The following HDAC9 variants were observed in gnomAD, a reference collection of about 807,000 sequenced individuals.
The protein encoded by HDAC9 is histone deacetylase 9.
Under a neutral mutation model 139.4 loss-of-function variants are expected in HDAC9, and 41 were observed. The ratio of observed to expected loss-of-function variants is 0.29; its 90% CI spans 0.23 to 0.38. The LOEUF (loss-of-function observed/expected upper bound fraction) is 0.38. HDAC9 is among the 10% of genes least tolerant of loss of function. The probability of loss-of-function intolerance (pLI) is 1.00; values close to 1 mark genes in which losing one functional copy is unlikely to be tolerated. For missense variants in HDAC9, 1,147 were observed against 1,297.0 expected, an observed-to-expected ratio of 0.88 and a Z score of 1.78; for synonymous variants, 517 against 476.2, an observed-to-expected ratio of 1.09 and a Z score of -1.12.
intron 2 of HDAC9, among the ~76,000 whole-genome samples, chr7:18,171,658 G>A (rs1420312664): frequency 6.6e-6 from 1 of 152,148 alleles, no homozygotes; most frequent in African/African-American, 2.4e-5. Flanking sequence ...AGCATGAAGG[G>A]CTGTTGAATT....
chr7:18,929,948 A>T (rs1195322774), intron 22 of HDAC9, among the ~76,000 whole-genome samples: 2 of 146,286 alleles, frequency 1.4e-5, no homozygotes, highest in Non-Finnish European at 3.1e-5. Flanking sequence ...CAAAAAAAAA[A>T]ATATCTGAAA....
intron 25 of HDAC9, among the ~76,000 whole-genome samples, chr7:18,982,754 AC>A (rs1228261932): frequency 1.3e-5 from 2 of 152,028 alleles, no homozygotes; most frequent in African/African-American, 2.4e-5. Context: ...TCTTAATCTG[AC>A]TTATTTCACC....
At chr7:18,821,822 A>C (rs80251831) in intron 17 of HDAC9, among the ~76,000 whole-genome samples, 1 of 152,308 alleles carries the variant, frequency 6.6e-6, no homozygotes, top group East Asian at 1.9e-4. Flanking sequence ...GTTGGCTATA[A>C]ATCAGATGTT....
intron 1 of HDAC9, among the ~76,000 whole-genome samples, chr7:18,126,731 A>G (rs558857598): frequency 3.3e-5 from 5 of 152,178 alleles, no homozygotes; most frequent in East Asian, 3.9e-4. Flanking sequence ...GAAACTACCA[A>G]TTTCTGAGAG....
intron 1 of HDAC9, among the ~76,000 whole-genome samples, chr7:18,392,387 GGATAGATAGATGGATA>G (rs1562946345): frequency 2.3e-5 from 3 of 130,442 alleles, no homozygotes; most frequent in East Asian, 2.2e-4. Flanking sequence ...CTAGATAGAT[GGATAGATAGATGGATA>G]GATAGATAGA....
intron 2 of HDAC9, among the ~76,000 whole-genome samples, chr7:18,238,551 T>C (rs1793978233): frequency 6.6e-6 from 1 of 152,178 alleles, no homozygotes; most frequent in Non-Finnish European, 1.5e-5. Flanking sequence ...ACCCTCTATA[T>C]ATAGAAGTTT....
At chr7:18,574,206 A>G (rs1164760807) in intron 2 of HDAC9, among the ~76,000 whole-genome samples, 1 of 152,152 alleles carries the variant, frequency 6.6e-6, no homozygotes, top group African/African-American at 2.4e-5. Flanking sequence ...CAGGCAGGTC[A>G]TCCCAACACG....
chr7:18,794,676 G>A (rs1303565015), intron 17 of HDAC9, among the ~76,000 whole-genome samples: 2 of 152,198 alleles, frequency 1.3e-5, no homozygotes, highest in Non-Finnish European at 2.9e-5. Context: ...AGCCTGTGGA[G>A]AGGTTTTGGC....
In HDAC9 at chr7:18,999,348, T is replaced by C. The variant is rs1786637574; in HGVS notation, c.*3286T>C. The stretch of plus-strand genomic sequence containing the variant: ...CTGCTTTATTTCCAAAGGGCAATTA[T>C]AAAGCCTCGTGGATTTACTGGGTTT... On this transcript the variant is annotated 3_prime_UTR_variant, in exon 26 of 26. Coordinates refer to ENST00000686413, the MANE Select transcript of HDAC9 (RefSeq NM_178425.4). 6.6e-6 allele frequency: 1 copy of C among 152,224 alleles called. No homozygotes were observed. The highest frequency in any genetic ancestry group is 2.4e-5 in the African/African-American group (1 of 41,456). 9.4% of individuals were successfully genotyped at this position (152,224 alleles called of 1,614,324 possible).
chr7:18,378,702 T>C (rs1785190650), intron 1 of HDAC9, among the ~76,000 whole-genome samples: 1 of 152,164 alleles, frequency 6.6e-6, no homozygotes, highest in Non-Finnish European at 1.5e-5. Context: ...TTTATGTATA[T>C]GCATAGTCTC....
intron 11 of HDAC9, among the ~76,000 whole-genome samples, chr7:18,661,691 T>C (rs1308613603): frequency 1.3e-5 from 2 of 152,120 alleles, no homozygotes; most frequent in Non-Finnish European, 2.9e-5. Context: ...GAAGTTACTG[T>C]TTTATATCAA....
In HDAC9 at chr7:18,584,779, C is replaced by A. The variant is rs1293058872; in HGVS notation, c.23-502C>A. On this transcript the variant is annotated intron_variant, in intron 2 of 25. Transcript: ENST00000686413. ...TTGTCTATTCTGTCTTTGGTACATC[C>A]AATAGTGCTGCAAATACGTTATATT... Among the ~76,000 whole-genome samples, 3 of 152,256 alleles carry A rather than the reference C, an allele frequency of 2.0e-5. No homozygotes were observed. The East Asian group carries it at 5.8e-4, about 29-fold the overall frequency.
intron 1 of HDAC9, among the ~76,000 whole-genome samples, chr7:18,342,627 A>G (rs979832170): frequency 6.6e-6 from 1 of 151,996 alleles, no homozygotes; most frequent in Non-Finnish European, 1.5e-5. Flanking sequence ...TCATCTAAAA[A>G]TTAGAATTAT....
intron 16 of HDAC9, among the ~76,000 whole-genome samples, chr7:18,786,599 T>C (rs1321036007): frequency 1.2e-5 from 1 of 86,264 alleles, no homozygotes; most frequent in African/African-American, 4.7e-5. Flanking sequence ...CCTTCCTTCC[T>C]TCCTTCCTTC....
At chr7:18,563,624 T>A (rs562795884) in intron 2 of HDAC9, among the ~76,000 whole-genome samples, 2 of 152,312 alleles carry the variant, frequency 1.3e-5, no homozygotes, top group African/African-American at 4.8e-5. Context: ...ATGGCACCTG[T>A]CACCATCTCT....
At chr7:18,278,026 C>G (rs1796859807) in intron 2 of HDAC9, among the ~76,000 whole-genome samples, 1 of 152,334 alleles carries the variant, frequency 6.6e-6, no homozygotes, top group South Asian at 2.1e-4. Flanking sequence ...CTTCACTTCA[C>G]TAGCAACATC....
chr7:18,131,396 G>T (rs1010329170), intron 1 of HDAC9, among the ~76,000 whole-genome samples: 1 of 152,122 alleles, frequency 6.6e-6, no homozygotes, highest in South Asian at 2.1e-4. Context: ...AAATGTTATG[G>T]TTAAAGAACG....
At chr7:18,748,505 A>G (rs757288460) in intron 13 of HDAC9, among the ~76,000 whole-genome samples, 5 of 152,238 alleles carry the variant, frequency 3.3e-5, no homozygotes, top group Non-Finnish European at 7.3e-5. Flanking sequence ...ACTAAACAGG[A>G]TAGGCAGAGT....
chr7:18,714,681 G>C (rs534034483), intron 12 of HDAC9, among the ~76,000 whole-genome samples: 1 of 152,308 alleles, frequency 6.6e-6, no homozygotes, highest in African/African-American at 2.4e-5. Flanking sequence ...TCTTGGCTCA[G>C]AGGAGCTTTT....
Sources: allele counts gnomAD v4.1 joint callset (sites outside exome capture counted in the v4.1 genomes callset), GRCh38; gene constraint gnomAD v4.1.1; transcripts MANE v1.5; gene names NCBI Gene and HGNC (gene_info 2026-07-23, HGNC 2026-07-21).